CCDC91: variants seen among roughly 807,000 people sequenced by gnomAD.
CCDC91 encodes the protein coiled-coil domain containing 91, also known as coiled-coil domain-containing protein 91.
Under a neutral mutation model 63.2 loss-of-function variants are expected in CCDC91, and 48 were observed. The ratio of observed to expected loss-of-function variants is 0.76; its 90% CI spans 0.60 to 0.97. The LOEUF (loss-of-function observed/expected upper bound fraction) is 0.97. Among genes scored for constraint, CCDC91 ranks in the 50% least tolerant of loss-of-function variants. CCDC91 has a pLI of 0.00. For missense variants in CCDC91, 500 were observed against 494.6 expected, an observed-to-expected ratio of 1.01 and a Z score of -0.10; for synonymous variants, 167 against 165.8, an observed-to-expected ratio of 1.01 and a Z score of -0.06.
At chr12:28,468,029 A>G (rs1358359908) in intron 11 of CCDC91, among the ~76,000 whole-genome samples, 2 of 152,054 alleles carry the variant, frequency 1.3e-5, no homozygotes, top group Middle Eastern at 3.2e-3. Context: ...CATCTTAACT[A>G]GAAAAGGGGG....
chr12:28,391,463 C>T (rs1945942351), intron 8 of CCDC91, 52 bp downstream of exon 8: 2 of 1,059,252 alleles, frequency 1.9e-6, no homozygotes, highest in Admixed American at 1.8e-5. Context: ...CTGACTCTCT[C>T]CCCTGAGAGC....
At chr12:28,240,009 A>G (rs1363710437) in intron 1 of CCDC91, among the ~76,000 whole-genome samples, 1 of 152,202 alleles carries the variant, frequency 6.6e-6, no homozygotes, top group Non-Finnish European at 1.5e-5. Context: ...TCTTTATAAT[A>G]AAACAATTTT....
intron 6 of CCDC91, among the ~76,000 whole-genome samples, chr12:28,348,397 G>A (rs775084177): frequency 3.9e-5 from 6 of 152,106 alleles, no homozygotes; most frequent in Non-Finnish European, 7.4e-5. Context: ...TGCAGTGCCC[G>A]CGTACCCACT....
chr12:28,257,687 T>C (rs1159272670), intron 2 of CCDC91, among the ~76,000 whole-genome samples: 2 of 152,124 alleles, frequency 1.3e-5, no homozygotes, highest in Admixed American at 1.3e-4. Context: ...ATAAAGTTAA[T>C]TAGTATGTTT....
chr12:28,492,275 T>A (rs767413222), intron 12 of CCDC91, among the ~76,000 whole-genome samples: 13 of 151,776 alleles, frequency 8.6e-5, no homozygotes, highest in Non-Finnish European at 1.0e-4. Context: ...AGCACTGTGC[T>A]TAGGCTACAA....
At position 28,224,238 on chromosome 12, in the gene CCDC91, G is replaced by A. The variant is rs1944131981; in HGVS notation, c.-14-32964G>A. 2.0e-5 allele frequency among the ~76,000 whole-genome samples: 3 copies of A among 152,184 alleles called. 1 individual carries two copies. The highest frequency in any genetic ancestry group is 6.5e-5 in the Admixed American group (1 of 15,284). On this transcript the variant is annotated intron_variant, in intron 1 of 12. Transcript: ENST00000536442. ...CTTAAGTCATGGGGTTTTATCCAGA[G>A]TCATCCCATATGATTTTGGGTCTGC...
intron 5 of CCDC91, 98 bp from the exon 6 acceptor site, chr12:28,307,547 T>G: frequency 1.6e-6 from 1 of 621,164 alleles, no homozygotes; most frequent in South Asian, 2.4e-5. Context: ...CCATGGATTC[T>G]TTCTCTGACA....
chr12:28,251,763 A>C (rs538373213), intron 1 of CCDC91, among the ~76,000 whole-genome samples: 6 of 152,154 alleles, frequency 3.9e-5, no homozygotes, highest in South Asian at 4.1e-4. Flanking sequence ...AGTCTATTTC[A>C]TTTCTTGAAT....
At chr12:28,294,154 G>A (rs1949408450) in intron 3 of CCDC91, among the ~76,000 whole-genome samples, 1 of 152,106 alleles carries the variant, frequency 6.6e-6, no homozygotes, top group Non-Finnish European at 1.5e-5. Flanking sequence ...TAGGGAGGAC[G>A]AAATAAGTTG....
chr12:28,448,008 C>A (rs1328849262), intron 8 of CCDC91, among the ~76,000 whole-genome samples: 3 of 152,036 alleles, frequency 2.0e-5, no homozygotes, highest in African/African-American at 7.2e-5. Context: ...TCTGTTACAG[C>A]CAAATGGCAA....
intron 1 of CCDC91, among the ~76,000 whole-genome samples, chr12:28,218,651 A>G (rs1943723783): frequency 6.6e-6 from 1 of 151,560 alleles, no homozygotes; most frequent in African/African-American, 2.4e-5. Flanking sequence ...TTGGTCACTG[A>G]AGTTTTGCCT....
chr12:28,264,401 GAA>G (rs1947038161), intron 3 of CCDC91, among the ~76,000 whole-genome samples: 1 of 142,188 alleles, frequency 7.0e-6, no homozygotes, highest in Non-Finnish European at 1.6e-5. Context: ...TCTTTTAAAA[GAA>G]ATTATTCACA....
intron 6 of CCDC91, among the ~76,000 whole-genome samples, chr12:28,322,741 G>A (rs563318738): frequency 6.6e-6 from 1 of 151,390 alleles, no homozygotes; most frequent in African/African-American, 2.4e-5. Flanking sequence ...TATACTTTAT[G>A]GATAACTTCT....
At chr12:28,543,893 A>T (rs1311302858) in intron 12 of CCDC91, among the ~76,000 whole-genome samples, 2 of 151,934 alleles carry the variant, frequency 1.3e-5, no homozygotes, top group African/African-American at 2.4e-5. Context: ...CTTCCAATCC[A>T]TCAGCAACTC....
chr12:28,320,807 G>A (rs1345678689), intron 6 of CCDC91, among the ~76,000 whole-genome samples: 1 of 151,814 alleles, frequency 6.6e-6, no homozygotes, highest in Admixed American at 6.6e-5. Context: ...AAGGGTTTAG[G>A]TGGCTCCCAG....
chr12:28,505,282 T>A (rs537160843), intron 12 of CCDC91: 1 of 152,026 alleles, frequency 6.6e-6, no homozygotes, highest in Admixed American at 6.6e-5. Context: ...TGAAATCCCA[T>A]CTTACTGGCT....
At chr12:28,471,045 G>T (rs937219749) in intron 11 of CCDC91, among the ~76,000 whole-genome samples, 4 of 152,116 alleles carry the variant, frequency 2.6e-5, no homozygotes, top group Non-Finnish European at 5.9e-5. Context: ...AAAATACAGT[G>T]CAGGAAATCC....
At chr12:28,345,360 TTAA>T (rs768838583) in intron 6 of CCDC91, among the ~76,000 whole-genome samples, 10 of 152,136 alleles carry the variant, frequency 6.6e-5, no homozygotes, top group Non-Finnish European at 1.2e-4. Context: ...GAGCTGCTTC[TTAA>T]TAATCTATTT....
At chr12:28,292,882 C>A (rs1040153511) in intron 3 of CCDC91, among the ~76,000 whole-genome samples, 2 of 152,042 alleles carry the variant, frequency 1.3e-5, no homozygotes, top group Admixed American at 6.6e-5. Flanking sequence ...TGTTTATGTA[C>A]AATAATACTT....
Sources: gnomAD v4.1 joint callset for allele counts (sites outside exome capture counted in the v4.1 genomes callset) on GRCh38, gnomAD v4.1.1 for gene constraint, MANE v1.5 for transcripts, NCBI Gene and HGNC (gene_info 2026-07-23, HGNC 2026-07-21) for gene names.